The following ZFAT variants were observed in gnomAD, a reference collection of about 807,000 sequenced individuals.
The protein encoded by ZFAT is zinc finger protein ZFAT.
Under a neutral mutation model 117.7 loss-of-function variants are expected in ZFAT, and 64 were observed. The ratio of observed to expected loss-of-function variants is 0.54; its 90% CI spans 0.44 to 0.67. The LOEUF is 0.67. Among genes scored for constraint, ZFAT ranks in the 30% least tolerant of loss-of-function variants. The probability of loss-of-function intolerance (pLI) is 0.00; values close to 1 mark genes in which losing one functional copy is unlikely to be tolerated. For missense variants in ZFAT, 1,433 were observed against 1,584.5 expected (o/e 0.90, Z 1.62); for synonymous variants, 679 against 615.0 (o/e 1.10, Z -1.54).
chr8:134,633,017 G>A (rs1285134336), intron 3 of ZFAT, among the ~76,000 whole-genome samples: 1 of 152,050 alleles, frequency 6.6e-6, no homozygotes, highest in African/African-American at 2.4e-5. Flanking sequence ...GGCCCATGAC[G>A]GAAAAATAAT....
At chr8:134,695,304 C>T (rs1279633038) in intron 1 of ZFAT, among the ~76,000 whole-genome samples, 1 of 149,120 alleles carries the variant, frequency 6.7e-6, no homozygotes, top group East Asian at 1.9e-4. Flanking sequence ...GAGCAAATCC[C>T]ACACCCCTTG....
intron 13 of ZFAT, among the ~76,000 whole-genome samples, chr8:134,518,026 G>A (rs1820374441): frequency 6.6e-6 from 1 of 152,126 alleles, no homozygotes; most frequent in East Asian, 1.9e-4. Context: ...ATATTTGGAA[G>A]GAGATATTCA....
chr8:134,505,427 T>G (rs1352299553), intron 15 of ZFAT, among the ~76,000 whole-genome samples: 5 of 152,224 alleles, frequency 3.3e-5, no homozygotes, highest in Non-Finnish European at 7.3e-5. Context: ...TGTCCTCATC[T>G]TTGAGGCCTG....
the ZFAT span, among the ~76,000 whole-genome samples, chr8:134,816,293 T>C: frequency 1.3e-5 from 2 of 152,180 alleles, no homozygotes; most frequent in African/African-American, 4.8e-5. Flanking sequence ...AAACTTCCTA[T>C]ATCTCTGTTT....
chr8:134,625,852 A>T (rs1453468987), intron 3 of ZFAT, among the ~76,000 whole-genome samples: 1 of 152,102 alleles, frequency 6.6e-6, no homozygotes, highest in East Asian at 1.9e-4. Flanking sequence ...TCACCGTGAG[A>T]CCGTTAATTA....
the ZFAT span, among the ~76,000 whole-genome samples, chr8:134,718,399 G>T: frequency 6.6e-6 from 1 of 152,134 alleles, no homozygotes; most frequent in Non-Finnish European, 1.5e-5. Flanking sequence ...TTGGGAGGCT[G>T]AGGCAGGAGA....
chr8:134,763,728 C>T, the ZFAT span, among the ~76,000 whole-genome samples: 11 of 152,100 alleles, frequency 7.2e-5, no homozygotes, highest in Non-Finnish European at 1.5e-4. Context: ...CATAAATACA[C>T]GAATGAATGG....
intron 3 of ZFAT, among the ~76,000 whole-genome samples, chr8:134,614,100 A>G (rs1405483835): frequency 6.6e-6 from 1 of 152,052 alleles, no homozygotes; most frequent in Non-Finnish European, 1.5e-5. Context: ...TAAAAATCCA[A>G]ATCTAATCCT....
rs372476283 is a variant in ZFAT at position 134,478,545 on chromosome 8, G to A, written c.3669C>T (p.Tyr1223=). 95 of 1,594,102 alleles carry A rather than the reference G, an allele frequency of 6.0e-5. No individual in the cohort carries two copies. The highest frequency in any genetic ancestry group is 1.6e-4 in the Middle Eastern group (1 of 6,064). ...CCACAGGCTGCATGGCCTCCTGCAC[G>A]TAGACGATGAACTCCGAGGCCTCCC... ...QGGEASEFIV[Y]VQEAMQPVEE... is the part of the protein sequence containing the mutation. The change falls in exon 16 of 16, where the codon TAC becomes TAT. Residue 1223 remains tyrosine, a synonymous_variant. Coordinates refer to ENST00000377838, the MANE Select transcript of ZFAT (RefSeq NM_020863.4). This position sits in a 1 kb window ranked among gnomAD's most constrained non-coding sequence, Gnocchi z 5.2.
chr8:134,769,698 C>A, the ZFAT span, among the ~76,000 whole-genome samples: 1 of 152,210 alleles, frequency 6.6e-6, no homozygotes. Flanking sequence ...CCACACTTCT[C>A]TTCTGCACTG....
chr8:134,802,102 G>C, the ZFAT span, among the ~76,000 whole-genome samples: 14 of 152,302 alleles, frequency 9.2e-5, no homozygotes, highest in East Asian at 2.7e-3. Context: ...CTAAAGCAAA[G>C]ACAGCAGTGA....
chr8:134,483,635 G>A (rs1051004217), intron 15 of ZFAT, among the ~76,000 whole-genome samples: 10 of 152,272 alleles, frequency 6.6e-5, no homozygotes, highest in South Asian at 2.1e-4. Flanking sequence ...CCCAAATGCC[G>A]TATCTAACAC....
intron 1 of ZFAT, among the ~76,000 whole-genome samples, chr8:134,691,456 G>C (rs896083703): frequency 6.6e-6 from 1 of 152,228 alleles, no homozygotes; most frequent in African/African-American, 2.4e-5. Context: ...TGTCCCCTAG[G>C]GGGCGATAAA....
chr8:134,760,273 G>GAAAAAAAAAAAAA, the ZFAT span, among the ~76,000 whole-genome samples: 5 of 128,740 alleles, frequency 3.9e-5, no homozygotes, highest in African/African-American at 5.7e-5. Context: ...GTCTCAAAAA[G>GAAAAAAAAAAAAA]AAAAAAAAAA....
chr8:134,812,906 T>C, the ZFAT span, among the ~76,000 whole-genome samples: 1 of 152,154 alleles, frequency 6.6e-6, no homozygotes, highest in East Asian at 1.9e-4. Flanking sequence ...TTTTTGTAAA[T>C]GAGAAATGAG....
intron 14 of ZFAT, among the ~76,000 whole-genome samples, chr8:134,511,665 T>C (rs1819853609): frequency 1.3e-5 from 2 of 152,232 alleles, no homozygotes. Context: ...CCTCCAGATA[T>C]GTACAGGGCT....
chr8:134,559,073 T>C (rs1387667049), intron 11 of ZFAT, among the ~76,000 whole-genome samples: 2 of 152,204 alleles, frequency 1.3e-5, no homozygotes, highest in Non-Finnish European at 1.5e-5. Context: ...CTTTAGATAG[T>C]TTCTAGGATA....
intron 15 of ZFAT, among the ~76,000 whole-genome samples, chr8:134,505,401 C>G (rs894314791): frequency 6.6e-6 from 1 of 152,204 alleles, no homozygotes; most frequent in Admixed American, 6.5e-5. Context: ...CCGCACCCCT[C>G]AACCAAAGCT....
chr8:134,802,206 T>C, the ZFAT span, among the ~76,000 whole-genome samples: 1 of 152,206 alleles, frequency 6.6e-6, no homozygotes, highest in Non-Finnish European at 1.5e-5. Flanking sequence ...TTAACCAGGC[T>C]AGGCAAAGTG....
Sources: gnomAD v4.1 joint callset for allele counts (sites outside exome capture counted in the v4.1 genomes callset) on GRCh38, gnomAD v4.1.1 for gene constraint, Gnocchi (gnomAD v3.1) non-coding constraint, MANE v1.5 for transcripts, NCBI Gene and HGNC (gene_info 2026-07-23, HGNC 2026-07-21) for gene names.